SPATA13: variants seen among roughly 807,000 people sequenced by gnomAD.
The protein encoded by SPATA13 is spermatogenesis-associated protein 13.
Under a neutral mutation model 104.0 loss-of-function variants are expected in SPATA13, and 50 were observed. That is an observed-to-expected ratio of 0.48 (90% CI 0.38 to 0.61). The LOEUF (loss-of-function observed/expected upper bound fraction) is 0.61. Ranked by LOEUF, SPATA13 falls within the 20% of genes least tolerant of loss-of-function variation. The probability of loss-of-function intolerance (pLI) is 0.00; values close to 1 mark genes in which losing one functional copy is unlikely to be tolerated. For synonymous variants in SPATA13, 606 were observed against 667.5 expected (o/e 0.91, Z 1.42); for missense variants, 1,524 against 1,690.6 (o/e 0.90, Z 1.73).
At chr13:24,052,771 T>A (rs1878388348) in intron 3 of SPATA13, among the ~76,000 whole-genome samples, 1 of 74,304 alleles carries the variant, frequency 1.3e-5, no homozygotes, top group Non-Finnish European at 2.7e-5. Context: ...ACTGCGTTCC[T>A]GTGGCGGGAG....
intron 3 of SPATA13, among the ~76,000 whole-genome samples, chr13:24,053,119 C>G (rs754438577): frequency 6.6e-6 from 1 of 151,894 alleles, no homozygotes; most frequent in Non-Finnish European, 1.5e-5. Context: ...TTGTTTTTCT[C>G]CGTGACATTC....
At chr13:24,147,279 C>G (rs978089109) in intron 3 of SPATA13, among the ~76,000 whole-genome samples, 1 of 152,184 alleles carries the variant, frequency 6.6e-6, no homozygotes, top group Middle Eastern at 3.4e-3. Flanking sequence ...GAATGATGAC[C>G]GTATTGAGTA....
At chr13:24,279,823 C>G (rs1231139538) in intron 4 of SPATA13, among the ~76,000 whole-genome samples, 1 of 152,192 alleles carries the variant, frequency 6.6e-6, no homozygotes, top group Admixed American at 6.5e-5. Context: ...ATGACTTTCC[C>G]TCGTCCATGT....
rs1051640647 is a variant in SPATA13 at position 24,306,785 on chromosome 13, C to G, written c.*4012C>G. 1.3e-5 allele frequency: 2 copies of G among 152,052 alleles called. No homozygotes were observed. Among genetic ancestry groups the G allele is most frequent in the Non-Finnish European group, 2.9e-5 (2 of 68,014 alleles). The allele number at this position is 152,052 out of a possible 1,614,324, so 9.4% of individuals were successfully genotyped here. ...AATCTTTTTTTGTAAATATTAGTGT[C>G]CATTCTGTATGACTCGCTAACCTAC... On this transcript the variant is annotated 3_prime_UTR_variant, in exon 13 of 13. Coordinates refer to ENST00000382108, the MANE Select transcript of SPATA13 (RefSeq NM_001166271.3).
intron 3 of SPATA13, among the ~76,000 whole-genome samples, chr13:24,030,396 G>C (rs1468296237): frequency 6.6e-6 from 1 of 152,214 alleles, no homozygotes; most frequent in East Asian, 1.9e-4. Flanking sequence ...GACCAAGATA[G>C]GTCACTTTCC....
intron 2 of SPATA13, among the ~76,000 whole-genome samples, chr13:24,242,007 C>T (rs1872862528): frequency 6.6e-6 from 1 of 151,324 alleles, no homozygotes; most frequent in Non-Finnish European, 1.5e-5. Context: ...GAGCACAGAT[C>T]GCGCTACTTA....
At chr13:24,258,364 C>CAAAAAAAAAA (rs3067220) in intron 4 of SPATA13, among the ~76,000 whole-genome samples, 1 of 96,458 alleles carries the variant, frequency 1.0e-5, no homozygotes, top group African/African-American at 4.0e-5. Flanking sequence ...GAGTTCATCT[C>CAAAAAAAAAA]AAAAAAAAAA....
At chr13:24,066,666 G>C (rs1490343293) in intron 3 of SPATA13, among the ~76,000 whole-genome samples, 3 of 152,054 alleles carry the variant, frequency 2.0e-5, no homozygotes, top group African/African-American at 7.2e-5. Context: ...GGCCAGGAGG[G>C]GTCTGTTTTC....
intron 1 of SPATA13, among the ~76,000 whole-genome samples, chr13:24,208,585 T>C (rs972702842): frequency 4.1e-5 from 4 of 96,694 alleles, no homozygotes; most frequent in African/African-American, 1.5e-4. Context: ...GTGGGGACTT[T>C]CCAGACTGAT....
At chr13:24,191,087 G>A (rs1332211562) in intron 1 of SPATA13, among the ~76,000 whole-genome samples, 1 of 152,030 alleles carries the variant, frequency 6.6e-6, no homozygotes, top group East Asian at 1.9e-4. Flanking sequence ...TTGGATGATT[G>A]TTAACATTTT....
chr13:24,036,161 A>G (rs1046892606), intron 3 of SPATA13, among the ~76,000 whole-genome samples: 15 of 152,232 alleles, frequency 9.9e-5, no homozygotes, highest in Non-Finnish European at 2.9e-5. Flanking sequence ...TAAAAGCACA[A>G]TAAAAATTCC....
intron 3 of SPATA13, among the ~76,000 whole-genome samples, chr13:24,147,236 A>T (rs1303367300): frequency 6.6e-6 from 1 of 152,224 alleles, no homozygotes; most frequent in Non-Finnish European, 1.5e-5. Context: ...TACTTTAGGC[A>T]GAACAGGATG....
intron 4 of SPATA13, among the ~76,000 whole-genome samples, chr13:24,280,666 C>A (rs538748909): frequency 5.9e-5 from 9 of 152,226 alleles, no homozygotes; most frequent in Admixed American, 2.0e-4. Flanking sequence ...ATATCTCGGC[C>A]AGTAAGCAGC....
intron 3 of SPATA13, among the ~76,000 whole-genome samples, chr13:24,029,858 A>G (rs1877397366): frequency 6.6e-6 from 1 of 152,036 alleles, no homozygotes; most frequent in East Asian, 1.9e-4. Flanking sequence ...TCTCACTTAT[A>G]AGTGAGAACA....
intron 1 of SPATA13, among the ~76,000 whole-genome samples, chr13:24,200,506 G>C (rs192810656): frequency 0.016 from 2,452 of 152,094 alleles, 50 homozygotes; most frequent in South Asian, 0.044. Flanking sequence ...CTCGTTCTCA[G>C]CCCCAAGTCT....
intron 2 of SPATA13, among the ~76,000 whole-genome samples, chr13:24,231,896 T>C (rs1195310502): frequency 1.3e-5 from 2 of 152,260 alleles, no homozygotes; most frequent in Non-Finnish European, 2.9e-5. Flanking sequence ...GCCATTCAAG[T>C]GATCTGATTT....
At chr13:24,085,884 G>A (rs1449450061) in intron 3 of SPATA13, among the ~76,000 whole-genome samples, 1 of 152,246 alleles carries the variant, frequency 6.6e-6, no homozygotes, top group African/African-American at 2.4e-5. Context: ...CGGAACCAGG[G>A]CGCAGCCACA....
chr13:24,214,165 T>C (rs1040901683), intron 1 of SPATA13, among the ~76,000 whole-genome samples: 1 of 152,212 alleles, frequency 6.6e-6, no homozygotes, highest in African/African-American at 2.4e-5. Flanking sequence ...TAGGCAGTGC[T>C]TCCATCTGTG....
intron 2 of SPATA13, among the ~76,000 whole-genome samples, chr13:24,012,321 G>T (rs1415752957): frequency 6.6e-6 from 1 of 152,206 alleles, no homozygotes; most frequent in African/African-American, 2.4e-5. Flanking sequence ...GCAGCTCACA[G>T]ATGAAACTCT....
Sources: allele counts gnomAD v4.1 joint callset (sites outside exome capture counted in the v4.1 genomes callset), GRCh38; gene constraint gnomAD v4.1.1; transcripts MANE v1.5; gene names NCBI Gene and HGNC (gene_info 2026-07-23, HGNC 2026-07-21).